The following SLC66A3 variants were observed in gnomAD, a reference collection of about 807,000 sequenced individuals.
SLC66A3 encodes solute carrier family 66 member 3.
In SLC66A3, 23 loss-of-function variants were observed where a neutral mutation model predicts 25.5. The ratio of observed to expected loss-of-function variants is 0.90; its 90% CI spans 0.65 to 1.28. The LOEUF (loss-of-function observed/expected upper bound fraction) is 1.28, where lower values mean the gene tolerates loss of function less well. Among genes scored for constraint, SLC66A3 ranks in the 50% most tolerant of loss-of-function variants. The probability of loss-of-function intolerance (pLI) is 0.00; values close to 1 mark genes in which losing one functional copy is unlikely to be tolerated. For synonymous variants in SLC66A3, 108 were observed against 112.6 expected (o/e 0.96, Z 0.26); for missense variants, 246 against 262.1 (o/e 0.94, Z 0.42).
intron 6 of SLC66A3, among the ~76,000 whole-genome samples, chr2:11,177,352 T>TG (rs1267545915): frequency 2.1e-4 from 31 of 150,562 alleles, no homozygotes; most frequent in African/African-American, 7.4e-4. Context: ...CCCAGGTGCC[T>TG]GGGGAGCTGA....
intron 1 of SLC66A3, among the ~76,000 whole-genome samples, chr2:11,160,035 T>C (rs988298145): frequency 5.9e-5 from 9 of 152,168 alleles, no homozygotes; most frequent in African/African-American, 1.7e-4. Context: ...CTCGGATCCT[T>C]GCGCCTCTGC....
At chr2:11,171,888 T>C in intron 4 of SLC66A3, 37 bp from the exon 5 acceptor site, 1 of 1,610,966 alleles carries the variant, frequency 6.2e-7, no homozygotes, top group Non-Finnish European at 8.5e-7. Flanking sequence ...TTTTAACAAA[T>C]CGACTCGTGA....
At chr2:11,157,392 G>A (rs946221384) in intron 1 of SLC66A3, among the ~76,000 whole-genome samples, 1 of 152,234 alleles carries the variant, frequency 6.6e-6, no homozygotes, top group Non-Finnish European at 1.5e-5. Context: ...CTCCAAGCCA[G>A]GGCCAGGGCC....
chr2:11,175,512 C>T (rs1055991814), intron 6 of SLC66A3, among the ~76,000 whole-genome samples: 4 of 152,120 alleles, frequency 2.6e-5, no homozygotes, highest in East Asian at 1.9e-4. Context: ...GGCTAGAGTG[C>T]GGAGAGCAGG....
Position 11,161,502 on chromosome 2 carries a change from G to T in SLC66A3, c.296+808G>T, listed in dbSNP as rs572439222. On this transcript the variant is annotated intron_variant, in intron 3 of 6. Transcript: ENST00000295083. ...TGTAGATACGGGGTCTCACTATGTT[G>T]CCCAAGTTACAAGATGTTTTAACCT... 1.7e-3 allele frequency among the ~76,000 whole-genome samples: 255 copies of T among 151,848 alleles called. 1 individual carries two copies. Among genetic ancestry groups the T allele is most frequent in the African/African-American group, 5.8e-3 (239 of 41,394 alleles).
chr2:11,176,145 C>G (rs2148004936), intron 6 of SLC66A3, among the ~76,000 whole-genome samples: 1 of 152,302 alleles, frequency 6.6e-6, no homozygotes, highest in African/African-American at 2.4e-5. Flanking sequence ...CAAGATTGTT[C>G]TAATTGTGAT....
rs1457872785 is a variant in SLC66A3 at position 11,166,125 on chromosome 2, C to T, written c.354+1864C>T. ...CTGACCTCAGATGATCCACACGCCTCGGCCTCCCAAAGTGCTGGGATTACA... is the reference window on the plus strand; with the variant it reads ...CTGACCTCAGATGATCCACACGCCTTGGCCTCCCAAAGTGCTGGGATTACA... On this transcript the variant is annotated intron_variant, in intron 4 of 6. Coordinates refer to ENST00000295083, the MANE Select transcript of SLC66A3 (RefSeq NM_152391.5). Among the ~76,000 whole-genome samples, 4 of 152,156 alleles carry T rather than the reference C, an allele frequency of 2.6e-5. 1 individual carries two copies. The South Asian group carries it at 6.2e-4, about 24-fold the overall frequency.
chr2:11,170,475 AGACT>A (rs1181656174), intron 4 of SLC66A3, among the ~76,000 whole-genome samples: 2 of 152,190 alleles, frequency 1.3e-5, no homozygotes, highest in African/African-American at 4.8e-5. Flanking sequence ...ACCACCACAC[AGACT>A]ATCAGAATAG....
intron 1 of SLC66A3, among the ~76,000 whole-genome samples, chr2:11,158,439 G>C (rs1412825111): frequency 6.6e-6 from 1 of 152,236 alleles, no homozygotes; most frequent in Non-Finnish European, 1.5e-5. Flanking sequence ...CAGGCCGGCG[G>C]ATCACGAGGT....
chr2:11,174,188 C>T (rs943468906), intron 5 of SLC66A3, among the ~76,000 whole-genome samples: 3 of 152,104 alleles, frequency 2.0e-5, no homozygotes, highest in Non-Finnish European at 2.9e-5. Context: ...GAACTTCTGA[C>T]CTCATGATCC....
In SLC66A3 at chr2:11,177,927, C is replaced by A; in HGVS notation, c.*99C>A. 1 of 753,152 alleles carries A rather than the reference C, an allele frequency of 1.3e-6. No individual in the cohort carries two copies. The highest frequency in any genetic ancestry group is 2.2e-6 in the Non-Finnish European group (1 of 458,758). 46.7% of individuals were successfully genotyped at this position (753,152 alleles called of 1,614,324 possible). A position where few individuals can be genotyped will look rare whatever the true frequency, so the allele number is the denominator to read the frequency against. On this transcript the variant is annotated 3_prime_UTR_variant, in exon 7 of 7. Coordinates refer to ENST00000295083, the MANE Select transcript of SLC66A3 (RefSeq NM_152391.5). ...AAGGTCTTTTATAAATTTAGTAAAT[C>A]AGTTTATAATCTTTAAAGCCAAAGG...
At chr2:11,165,890 C>T (rs1273753360) in intron 4 of SLC66A3, among the ~76,000 whole-genome samples, 2 of 152,214 alleles carry the variant, frequency 1.3e-5, no homozygotes, top group Non-Finnish European at 2.9e-5. Flanking sequence ...GCGGCGCACG[C>T]CTGCAATCCC....
intron 4 of SLC66A3, among the ~76,000 whole-genome samples, chr2:11,165,779 CG>C (rs1328617385): frequency 6.6e-5 from 10 of 151,366 alleles, no homozygotes; most frequent in Non-Finnish European, 1.2e-4. Flanking sequence ...CTCGGGAGGC[CG>C]AGGCTGGCAG....
chr2:11,162,716 C>T (rs1662170848), intron 3 of SLC66A3, among the ~76,000 whole-genome samples: 1 of 152,208 alleles, frequency 6.6e-6, no homozygotes, highest in Non-Finnish European at 1.5e-5. Flanking sequence ...ACGCCATTCT[C>T]CTGCCTCAGC....
intron 5 of SLC66A3, chr2:11,172,883 GAC>G (rs1470951171): frequency 3.9e-6 from 1 of 256,828 alleles, no homozygotes; most frequent in African/African-American, 2.3e-5. Flanking sequence ...ATTATTTTGA[GAC>G]ACAGTCTCGC....
In SLC66A3 at chr2:11,178,252, C is replaced by T. The variant is rs1662837879; in HGVS notation, c.*424C>T. On this transcript the variant is annotated 3_prime_UTR_variant, in exon 7 of 7. Transcript: ENST00000295083. The stretch of plus-strand genomic sequence containing the variant: ...TTTTGTTCCAAGTCAGAGGTGGGCA[C>T]CTATAATAAATGACTAGGGTTCACT... 6.3e-6 allele frequency: 1 copy of T among 157,870 alleles called. No homozygotes were observed. The highest frequency in any genetic ancestry group is 1.4e-5 in the Non-Finnish European group (1 of 72,024). The allele number at this position is 157,870 out of a possible 1,614,324, so 9.8% of individuals were successfully genotyped here.
rs779792375 is a variant in SLC66A3, at chr2:11,175,009, A to C, written c.517A>C (p.Ile173Leu). ...TTLMTTNDFT[I>L]LLRFVIMLAL... is the part of the protein sequence containing the mutation. The stretch of plus-strand genomic sequence containing the variant: ...CTTAATGACCACCAATGATTTTACA[A>C]GTAAGCAAAATATCTTCTCACTTCC... The change falls in exon 6 of 7, where the codon ATT becomes CTT. Residue 173 changes from isoleucine to leucine, a missense_variant and splice_region_variant. Transcript: ENST00000295083. 1 of 1,604,078 alleles carries C rather than the reference A, an allele frequency of 6.2e-7. No individual in the cohort carries two copies. Among genetic ancestry groups the C allele is most frequent in the Non-Finnish European group, 8.5e-7 (1 of 1,174,980 alleles).
At chr2:11,160,785 T>C in intron 3 of SLC66A3, 91 bp downstream of exon 3, 5 of 1,545,044 alleles carry the variant, frequency 3.2e-6, no homozygotes, top group Non-Finnish European at 4.3e-6. Context: ...ACCAGATGTG[T>C]ATTTTTTGGT....
rs562834023 is a variant in SLC66A3 at position 11,170,391 on chromosome 2, C to G, written c.355-1534C>G. On this transcript the variant is annotated intron_variant, in intron 4 of 6. Transcript: ENST00000295083. The stretch of plus-strand genomic sequence containing the variant: ...TGGCAGGGCTGGTGGTGGTCAGCGT[C>G]GAGGATGCTGTGCAGAGCAGCAGGC... Among the ~76,000 whole-genome samples, 6 of 152,204 alleles carry G rather than the reference C, an allele frequency of 3.9e-5. No individual in the cohort carries two copies. The East Asian group carries it at 1.2e-3, about 29-fold the overall frequency.
Sources: allele counts gnomAD v4.1 joint callset (sites outside exome capture counted in the v4.1 genomes callset), GRCh38; gene constraint gnomAD v4.1.1; transcripts MANE v1.5; gene names NCBI Gene and HGNC (gene_info 2026-07-23, HGNC 2026-07-21).